The following PCAT7 variants were observed in gnomAD, a reference collection of about 807,000 sequenced individuals.
PCAT7 encodes prostate cancer associated transcript 7.
chr9:94,565,776 A>AT (rs1433142443), intron 2 of PCAT7, among the ~76,000 whole-genome samples: 3 of 62,352 alleles, frequency 4.8e-5, no homozygotes, highest in African/African-American at 2.2e-4. Flanking sequence ...TAGATGATAG[A>AT]TAGATAGATA....
chr9:94,555,706 A>G (rs1288536450), intron 1 of PCAT7, among the ~76,000 whole-genome samples: 1 of 151,714 alleles, frequency 6.6e-6, no homozygotes, highest in Non-Finnish European at 1.5e-5. Flanking sequence ...GAGGGTAACC[A>G]GCGGGAGGAA....
chr9:94,560,131 G>T (rs1816185978), intron 2 of PCAT7, among the ~76,000 whole-genome samples: 1 of 152,114 alleles, frequency 6.6e-6, no homozygotes, highest in Non-Finnish European at 1.5e-5. Flanking sequence ...TCTCAAAAAC[G>T]AAGAAAGTGT....
At chr9:94,567,391 A>G in intron 2 of PCAT7, 1 of 1,614,138 alleles carries the variant, frequency 6.2e-7, no homozygotes, top group South Asian at 1.1e-5. Context: ...TTCCACCAGG[A>G]CAAATTCACC....
chr9:94,557,910 T>C (rs1209113972), intron 1 of PCAT7, among the ~76,000 whole-genome samples: 1 of 152,198 alleles, frequency 6.6e-6, no homozygotes, highest in Non-Finnish European at 1.5e-5. Context: ...TTAACATAAT[T>C]TGGACAAGTG....
chr9:94,563,435 C>A (rs757482217), intron 2 of PCAT7: 5 of 1,613,842 alleles, frequency 3.1e-6, no homozygotes, highest in Non-Finnish European at 4.2e-6. Flanking sequence ...AGCCCACATA[C>A]CTGGCCCCAT....
upstream of PCAT7, among the ~76,000 whole-genome samples, chr9:94,554,670 C>T (rs182578695): frequency 4.7e-4 from 72 of 152,362 alleles, 1 homozygote; most frequent in Non-Finnish European, 1.8e-4. Context: ...CTCCAGCACG[C>T]GGCGGTGCCT....
intron 2 of PCAT7, among the ~76,000 whole-genome samples, chr9:94,561,278 G>T (rs1827095108): frequency 6.7e-6 from 1 of 149,400 alleles, no homozygotes; most frequent in South Asian, 2.1e-4. Context: ...TGCCCCTGTT[G>T]TAGGAAATTT....
chr9:94,571,389 G>T (rs1321989916), intron 2 of PCAT7: 4 of 1,405,042 alleles, frequency 2.8e-6, no homozygotes, highest in Non-Finnish European at 3.8e-6. Context: ...GGACATTATC[G>T]CAGAGAACTG....
At chr9:94,560,561 A>G (rs1444468312) in intron 2 of PCAT7, among the ~76,000 whole-genome samples, 2 of 151,564 alleles carry the variant, frequency 1.3e-5, no homozygotes, top group African/African-American at 2.4e-5. Flanking sequence ...CTCCATTATC[A>G]CCTTACGAAA....
At chr9:94,569,395 G>C (rs1015604887) in intron 2 of PCAT7, 2 of 152,220 alleles carry the variant, frequency 1.3e-5, no homozygotes, top group African/African-American at 4.8e-5. Flanking sequence ...TTGAGCCGGG[G>C]TCAATTTTGC....
At chr9:94,573,859 T>G (rs2945796) in intron 3 of PCAT7, among the ~76,000 whole-genome samples, 73,481 of 151,638 alleles carry the variant, frequency 0.48, 18,363 homozygotes, top group African/African-American at 0.6. Flanking sequence ...AAGTGTTCCT[T>G]CCTATTATCT....
chr9:94,556,673 G>C (rs1380311704), intron 1 of PCAT7, among the ~76,000 whole-genome samples: 1 of 152,122 alleles, frequency 6.6e-6, no homozygotes, highest in Non-Finnish European at 1.5e-5. Flanking sequence ...TGCTTCCTCT[G>C]CTTTGGAAAA....
intron 1 of PCAT7, among the ~76,000 whole-genome samples, chr9:94,557,619 G>A (rs1255782134): frequency 1.3e-5 from 2 of 152,214 alleles, no homozygotes; most frequent in African/African-American, 4.8e-5. Flanking sequence ...GGAAAGGAGA[G>A]CCTTGCTTCC....
chr9:94,560,716 A>G (rs138119488), intron 2 of PCAT7, among the ~76,000 whole-genome samples: 3,266 of 147,826 alleles, frequency 0.022, 58 homozygotes, highest in South Asian at 0.034. Flanking sequence ...ATGTTATTAT[A>G]TATTATATAA....
At chr9:94,572,394 A>G (rs1827279000) in intron 2 of PCAT7, among the ~76,000 whole-genome samples, 1 of 152,160 alleles carries the variant, frequency 6.6e-6, no homozygotes, top group African/African-American at 2.4e-5. Flanking sequence ...AACTGGCCCA[A>G]TGTGAGTCTC....
chr9:94,558,967 A>G (rs1214487835), intron 1 of PCAT7: 1 of 1,614,000 alleles, frequency 6.2e-7, no homozygotes, highest in East Asian at 2.2e-5. Context: ...TTCTGCACAC[A>G]GGTGAGATAT....
Position 94,559,206 on chromosome 9 carries a change from G to T in PCAT7, n.441+54G>T, listed in dbSNP as rs1469411320. On this transcript the variant is annotated intron_variant and non_coding_transcript_variant, in intron 2 of 8. Transcript: ENST00000647389. ...TCCCGAGCCATGCCCCTAAAGCTGG[G>T]GGAGGAGTTTGTACTGCGGTGCTTC... The T allele has an allele frequency of 3.6e-6, 5 of 1,392,410 alleles. No individual in the cohort carries two copies. In the African/African-American group the frequency reaches 4.3e-5, roughly 12 times the overall value. The allele number at this position is 1,392,410 out of a possible 1,614,324, so 86.3% of individuals were successfully genotyped here.
At chr9:94,570,622 C>A (rs1827258675) in intron 2 of PCAT7, 1 of 152,150 alleles carries the variant, frequency 6.6e-6, no homozygotes, top group South Asian at 2.1e-4. Flanking sequence ...TCAGGGTTTG[C>A]CAGCTTCTTT....
intron 2 of PCAT7, among the ~76,000 whole-genome samples, chr9:94,565,390 G>A (rs1333404028): frequency 7.1e-6 from 1 of 141,642 alleles, no homozygotes; most frequent in Non-Finnish European, 1.5e-5. Context: ...AAAAAAAGAT[G>A]TTCCCAGTGG....
Sources: gnomAD v4.1 joint callset for allele counts (sites outside exome capture counted in the v4.1 genomes callset) on GRCh38, gnomAD v4.1.1 for gene constraint, MANE v1.5 for transcripts, NCBI Gene and HGNC (gene_info 2026-07-23, HGNC 2026-07-21) for gene names.